Variants in SUSD1 observed in about 807,000 individuals in gnomAD.
The protein encoded by SUSD1 is sushi domain-containing protein 1.
A neutral mutation model predicts 86.9 loss-of-function variants in SUSD1; 65 were observed. That is an observed-to-expected ratio of 0.75 (90% CI 0.61 to 0.92). SUSD1 has a LOEUF of 0.92. Among genes scored for constraint, SUSD1 ranks in the 40% least tolerant of loss-of-function variants. The probability of loss-of-function intolerance (pLI) is 0.00; values close to 1 mark genes in which losing one functional copy is unlikely to be tolerated. For missense variants in SUSD1, 850 were observed against 929.7 expected, an observed-to-expected ratio of 0.91 and a Z score of 1.11; for synonymous variants, 346 against 350.0, an observed-to-expected ratio of 0.99 and a Z score of 0.13.
intron 6 of SUSD1, 38 bp downstream of exon 6, chr9:112,124,219 T>G: frequency 6.4e-7 from 1 of 1,574,332 alleles, no homozygotes. Flanking sequence ...CTGGCTGTTT[T>G]GTTCCTGGGT....
intron 3 of SUSD1, among the ~76,000 whole-genome samples, chr9:112,146,830 C>A (rs1382850492): frequency 1.3e-5 from 2 of 152,086 alleles, no homozygotes; most frequent in Non-Finnish European, 2.9e-5. Context: ...AAGATGAAGT[C>A]TCATTATGTT....
At chr9:112,166,090 G>GT (rs1230720837) in intron 1 of SUSD1, among the ~76,000 whole-genome samples, 20 of 152,144 alleles carry the variant, frequency 1.3e-4, no homozygotes, top group African/African-American at 4.6e-4. Flanking sequence ...GCAAAAAAAC[G>GT]TAAGATGGGT....
intron 5 of SUSD1, among the ~76,000 whole-genome samples, chr9:112,139,975 C>T (rs1413809433): frequency 6.6e-6 from 1 of 152,050 alleles, no homozygotes; most frequent in Non-Finnish European, 1.5e-5. Flanking sequence ...CCTGGAATCC[C>T]AGCACTGTGG....
At chr9:112,167,292 G>A (rs1007890938) in intron 1 of SUSD1, among the ~76,000 whole-genome samples, 3 of 151,898 alleles carry the variant, frequency 2.0e-5, no homozygotes, top group South Asian at 4.2e-4. Flanking sequence ...TTATAGACAC[G>A]GGATCTCCCT....
Position 112,142,360 on chromosome 9 carries a change from T to A in SUSD1, c.666A>T (p.Thr222=), listed in dbSNP as rs769367616. Reference sequence around the variant, plus strand: ...TTGGGGACTCCCATGTGCCCAGGCCTGTGCAGCTTGAAACTGTATCTTCTG... The same window carrying A: ...TTGGGGACTCCCATGTGCCCAGGCCAGTGCAGCTTGAAACTGTATCTTCTG... ...SVPEDTVSSC[T]GLGTWESPKL... The change falls in exon 5 of 17, where the codon ACA becomes ACT. Residue 222 remains threonine, a synonymous_variant. Coordinates refer to ENST00000374270, the MANE Select transcript of SUSD1 (RefSeq NM_022486.5). 5.6e-6 allele frequency: 9 copies of A among 1,613,806 alleles called. No homozygotes were observed. The highest frequency in any genetic ancestry group is 6.8e-6 in the Non-Finnish European group (8 of 1,179,946).
At chr9:112,046,622 A>G (rs965250210) in intron 15 of SUSD1, among the ~76,000 whole-genome samples, 1 of 152,188 alleles carries the variant, frequency 6.6e-6, no homozygotes, top group Non-Finnish European at 1.5e-5. Context: ...AGGACGCTCC[A>G]TGGGTGTGGA....
At chr9:112,165,842 G>A in intron 1 of SUSD1, among the ~76,000 whole-genome samples, 1 of 135,150 alleles carries the variant, frequency 7.4e-6, no homozygotes, top group African/African-American at 2.7e-5. Flanking sequence ...GAGAAAGAAA[G>A]AAAGAGAAAG....
intron 1 of SUSD1, among the ~76,000 whole-genome samples, chr9:112,161,104 C>T (rs1003972447): frequency 5.9e-5 from 9 of 152,188 alleles, no homozygotes; most frequent in Middle Eastern, 3.4e-3. Context: ...GGGCCAGGCA[C>T]GGTGGCTCAT....
intron 2 of SUSD1, 72 bp downstream of exon 2, chr9:112,157,428 T>A: frequency 2.8e-6 from 3 of 1,089,800 alleles, no homozygotes; most frequent in Non-Finnish European, 4.1e-6. Context: ...CCCAAGGACA[T>A]CAACTCTTTA....
At chr9:112,077,707 G>A (rs758829990) in intron 12 of SUSD1, among the ~76,000 whole-genome samples, 6 of 151,470 alleles carry the variant, frequency 4.0e-5, no homozygotes, top group Admixed American at 1.3e-4. Flanking sequence ...GTTTCACCAC[G>A]TCAGCCAGGC....
At chr9:112,041,833 C>A (rs1269226888) in intron 16 of SUSD1, 34 bp downstream of exon 16, 1 of 1,594,380 alleles carries the variant, frequency 6.3e-7, no homozygotes, top group Admixed American at 1.7e-5. Context: ...CCCCTCCATT[C>A]CAGTCATTTC....
In SUSD1 at chr9:112,062,949, T is replaced by C; in HGVS notation, c.1838A>G (p.Asn613Ser). 1 of 1,608,518 alleles carries C rather than the reference T, an allele frequency of 6.2e-7. No individual in the cohort carries two copies. Among genetic ancestry groups the C allele is most frequent in the Non-Finnish European group, 8.5e-7 (1 of 1,175,770 alleles). The change falls in exon 13 of 17, where the codon AAT (asparagine) becomes AGT (serine). Residue 613 changes from asparagine (N) to serine (S), a missense_variant. Asn to Ser is a conservative substitution (Grantham distance 46). Transcript: ENST00000374270. Reference protein sequence around the residue: ...RLRLRKAKEKNGPISSYQVLV... With the variant: ...RLRLRKAKEKSGPISSYQVLV... ...GACAGCTACTGACCTGATTGGTCCA[T>C]TTTTCTCCTTGGCTTTCCTCAGTCT...
chr9:112,052,596 C>T (rs1040490991), intron 14 of SUSD1, among the ~76,000 whole-genome samples, 158 bp from the exon 15 acceptor site: 6 of 152,162 alleles, frequency 3.9e-5, no homozygotes, highest in African/African-American at 1.4e-4. Flanking sequence ...CTTGTGATAT[C>T]ACTAAGTGTT....
chr9:112,072,661 G>A (rs1027332361), intron 12 of SUSD1, among the ~76,000 whole-genome samples: 1 of 152,168 alleles, frequency 6.6e-6, no homozygotes, highest in Non-Finnish European at 1.5e-5. Context: ...TCCCCACACA[G>A]CCATTTACTT....
intron 10 of SUSD1, among the ~76,000 whole-genome samples, chr9:112,084,819 A>G (rs958027941): frequency 6.6e-6 from 1 of 152,168 alleles, no homozygotes; most frequent in Admixed American, 6.6e-5. Context: ...CCGCTGGGCC[A>G]ATGTGATCTA....
chr9:112,061,875 G>T (rs1187964968), intron 13 of SUSD1, among the ~76,000 whole-genome samples: 5 of 151,810 alleles, frequency 3.3e-5, no homozygotes, highest in Non-Finnish European at 7.4e-5. Context: ...TGTTGGTGAG[G>T]CCATGTACAT....
chr9:112,085,880 C>T (rs1340825259), intron 10 of SUSD1, among the ~76,000 whole-genome samples: 2 of 152,126 alleles, frequency 1.3e-5, no homozygotes, highest in Admixed American at 1.3e-4. Context: ...ATGCAGTAAG[C>T]CGAGATTGCA....
Position 112,059,519 on chromosome 9 carries a change from C to T in SUSD1, c.1851-833G>A, listed in dbSNP as rs182369257. Among the ~76,000 whole-genome samples, 397 of 152,234 alleles carry T rather than the reference C, an allele frequency of 2.6e-3. 1 individual carries two copies. Among genetic ancestry groups the T allele is most frequent in the African/African-American group, 8.6e-3 (359 of 41,516 alleles). ...ATTTACATCCCCTACAGTTCATGGGCTGATACCAAAGTTCATGTGAAATAA... is the reference window on the plus strand; with the variant it reads ...ATTTACATCCCCTACAGTTCATGGGTTGATACCAAAGTTCATGTGAAATAA... On this transcript the variant is annotated intron_variant, in intron 13 of 16. Coordinates refer to ENST00000374270, the MANE Select transcript of SUSD1 (RefSeq NM_022486.5).
At chr9:112,155,385 A>G (rs1193143822) in intron 2 of SUSD1, among the ~76,000 whole-genome samples, 1 of 152,068 alleles carries the variant, frequency 6.6e-6, no homozygotes, top group African/African-American at 2.4e-5. Flanking sequence ...GAGGAACGGG[A>G]GGGTGAGAAG....
Sources: allele counts gnomAD v4.1 joint callset (sites outside exome capture counted in the v4.1 genomes callset), GRCh38; gene constraint gnomAD v4.1.1; transcripts MANE v1.5; gene names NCBI Gene and HGNC (gene_info 2026-07-23, HGNC 2026-07-21).